The following AGPAT3 variants were observed in gnomAD, a reference collection of about 807,000 sequenced individuals.
AGPAT3 encodes 1-acylglycerol-3-phosphate O-acyltransferase 3.
Under a neutral mutation model 47.3 loss-of-function variants are expected in AGPAT3, and 5 were observed. The observed-to-expected ratio is 0.11, with a 90% CI of 0.06 to 0.22. The LOEUF (loss-of-function observed/expected upper bound fraction) is 0.22. AGPAT3 is among the 10% of genes least tolerant of loss of function. The pLI is 1.00. For missense variants in AGPAT3, 315 were observed against 493.0 expected (o/e 0.64, Z 3.42); for synonymous variants, 212 against 208.3 (o/e 1.02, Z -0.15).
At chr21:43,890,754 T>G (rs2086085745) in intron 1 of AGPAT3, among the ~76,000 whole-genome samples, 1 of 151,062 alleles carries the variant, frequency 6.6e-6, no homozygotes. Flanking sequence ...TATTAATTTT[T>G]TGAGACAGAG....
chr21:43,974,859 C>T lies in AGPAT3; in HGVS notation c.768-3187C>T, dbSNP rs540539551. On this transcript the variant is annotated intron_variant, in intron 7 of 9. Transcript: ENST00000291572. ...TGCGCCTCGGTTGTTCCTCACATGG[C>T]GTCTGTGGCAAATCCTCCCCATGCC... Among the ~76,000 whole-genome samples the T allele has an allele frequency of 3.2e-4, 48 of 152,314 alleles. 2 individuals carry two copies. The highest frequency in any genetic ancestry group is 3.1e-3 in the Admixed American group (47 of 15,306).
intron 2 of AGPAT3, among the ~76,000 whole-genome samples, chr21:43,959,082 T>TGTGTGTGTGGCATATGTGTGGTTTGC (rs1555909854): frequency 8.2e-6 from 1 of 121,986 alleles, no homozygotes; most frequent in African/African-American, 3.5e-5. Context: ...GTGTGGTTTG[T>TGTGTGTGTGGCATATGTGTGGTTTGC]GGTGTGTGTG....
At chr21:43,886,185 C>G (rs2145897377) in intron 1 of AGPAT3, among the ~76,000 whole-genome samples, 1 of 152,262 alleles carries the variant, frequency 6.6e-6, no homozygotes. Context: ...CCAATATCAC[C>G]TCTGCTCCTC....
chr21:43,911,028 C>T (rs1301023844), intron 2 of AGPAT3, among the ~76,000 whole-genome samples: 3 of 152,216 alleles, frequency 2.0e-5, no homozygotes, highest in Non-Finnish European at 4.4e-5. Context: ...CTGGAGGGAA[C>T]CACTGTAAGC....
intron 8 of AGPAT3, among the ~76,000 whole-genome samples, chr21:43,980,607 C>T (rs377356915): frequency 3.9e-5 from 6 of 152,218 alleles, no homozygotes; most frequent in Admixed American, 6.5e-5. Flanking sequence ...GCATCCAGGC[C>T]GCGGGACTCA....
At chr21:43,968,140 A>G (rs2089222036) in intron 4 of AGPAT3, 25 bp downstream of exon 4, 1 of 1,521,554 alleles carries the variant, frequency 6.6e-7, no homozygotes, top group South Asian at 1.1e-5. Context: ...GGGGAGGGCC[A>G]CGGGTGAGCA....
At chr21:43,928,920 G>A (rs925372176) in intron 2 of AGPAT3, among the ~76,000 whole-genome samples, 9 of 152,194 alleles carry the variant, frequency 5.9e-5, no homozygotes, top group African/African-American at 1.9e-4. Context: ...AGGTGGCTCC[G>A]GCAGGTTCCT....
intron 1 of AGPAT3, among the ~76,000 whole-genome samples, chr21:43,897,595 G>A (rs796825837): frequency 3.3e-5 from 5 of 151,646 alleles, no homozygotes; most frequent in African/African-American, 1.2e-4. Context: ...CGGGGCGGCC[G>A]GGCAGAGGGG....
At chr21:43,875,445 C>T (rs927432426) in intron 1 of AGPAT3, among the ~76,000 whole-genome samples, 17 of 152,196 alleles carry the variant, frequency 1.1e-4, no homozygotes, top group Admixed American at 7.9e-4. Context: ...AACCATACAG[C>T]ATCTGCCTTA....
At chr21:43,884,674 G>T (rs2085934127) in intron 1 of AGPAT3, among the ~76,000 whole-genome samples, 1 of 151,970 alleles carries the variant, frequency 6.6e-6, no homozygotes, top group Admixed American at 6.5e-5. Context: ...CCTGGTGCTG[G>T]ATGCTGGGTG....
intron 2 of AGPAT3, among the ~76,000 whole-genome samples, chr21:43,918,141 T>G (rs1569063576): frequency 1.9e-4 from 25 of 132,566 alleles, no homozygotes; most frequent in Non-Finnish European, 6.6e-5. Context: ...TTGTGGGTGT[T>G]GGAGTTGTGG....
intron 3 of AGPAT3, among the ~76,000 whole-genome samples, chr21:43,964,769 G>A (rs1189182973): frequency 6.6e-6 from 1 of 152,114 alleles, no homozygotes; most frequent in East Asian, 1.9e-4. Context: ...GCTTGCGTGG[G>A]TATGTGAATT....
rs144324477 is a variant in AGPAT3 at position 43,928,327 on chromosome 21, G to A, written c.-49+24308G>A. On this transcript the variant is annotated intron_variant, in intron 2 of 9. Transcript: ENST00000291572. ...GCCTGCTCAGAAACGCTGACACAGC[G>A]TTAAGGAATATACACACAGGCAAGG... Among the ~76,000 whole-genome samples, 72 of 152,342 alleles carry A rather than the reference G, an allele frequency of 4.7e-4. 1 individual carries two copies. The highest frequency in any genetic ancestry group is 2.5e-3 in the South Asian group (12 of 4,830).
intron 4 of AGPAT3, 55 bp downstream of exon 4, chr21:43,968,170 CGGGGGTGAGCGGGGACCCAGGGAGGGCCG>C: frequency 2.4e-6 from 2 of 832,320 alleles, no homozygotes; most frequent in Non-Finnish European, 1.5e-6. Context: ...CGGGGAGGGC[CGGGGGTGAGCGGGGACCCAGGGAGGGCCG>C]GGGTGAGCAG....
intron 7 of AGPAT3, among the ~76,000 whole-genome samples, chr21:43,975,320 G>A (rs558925003): frequency 1.3e-4 from 20 of 150,112 alleles, no homozygotes; most frequent in South Asian, 4.2e-4. Flanking sequence ...GTGTGCTGGC[G>A]TGTGCTGGCG....
At chr21:43,976,359 C>A (rs1430455158) in intron 7 of AGPAT3, among the ~76,000 whole-genome samples, 2 of 152,112 alleles carry the variant, frequency 1.3e-5, no homozygotes, top group Admixed American at 6.6e-5. Context: ...TCCACCACAT[C>A]TGGCTAATTT....
intron 2 of AGPAT3, among the ~76,000 whole-genome samples, chr21:43,931,974 CCTA>C (rs2087263202): frequency 1.3e-5 from 2 of 149,452 alleles, no homozygotes; most frequent in Non-Finnish European, 3.0e-5. Flanking sequence ...TGTCTACCTA[CCTA>C]CTACCTATTT....
intron 1 of AGPAT3, among the ~76,000 whole-genome samples, chr21:43,893,424 A>C (rs566980424): frequency 3.9e-5 from 6 of 152,242 alleles, no homozygotes; most frequent in Non-Finnish European, 8.8e-5. Context: ...CCATATCAGC[A>C]ATAACGCTGT....
chr21:43,869,943 C>T (rs774907024), intron 1 of AGPAT3, among the ~76,000 whole-genome samples: 3 of 152,200 alleles, frequency 2.0e-5, no homozygotes, highest in South Asian at 2.1e-4. Flanking sequence ...TGGGCTCAAG[C>T]GATCCTCCCA....
Sources: gnomAD v4.1 joint callset for allele counts (sites outside exome capture counted in the v4.1 genomes callset) on GRCh38, gnomAD v4.1.1 for gene constraint, MANE v1.5 for transcripts, NCBI Gene and HGNC (gene_info 2026-07-23, HGNC 2026-07-21) for gene names.